The following ERAP1 variants were observed in gnomAD, a reference collection of about 807,000 sequenced individuals.
The protein encoded by ERAP1 is endoplasmic reticulum aminopeptidase 1, also known as adipocyte-derived leucine aminopeptidase.
ERAP1 carries 86 observed loss-of-function variants against 103.7 expected under a neutral mutation model. That is an observed-to-expected ratio of 0.83 (90% CI 0.70 to 0.99). The LOEUF is 0.99. Among genes scored for constraint, ERAP1 ranks in the 50% least tolerant of loss-of-function variants. The pLI is 0.00. For synonymous variants in ERAP1, 398 were observed against 402.4 expected (o/e 0.99, Z 0.13); for missense variants, 1,009 against 1,128.4 (o/e 0.89, Z 1.52).
At chr5:96,833,954 G>A in the ERAP1 span, among the ~76,000 whole-genome samples, 8 of 152,088 alleles carry the variant, frequency 5.3e-5, no homozygotes, top group Non-Finnish European at 8.8e-5. Flanking sequence ...TATTAATGTA[G>A]TAGTAATGAT....
chr5:96,839,290 G>C, the ERAP1 span, among the ~76,000 whole-genome samples: 1 of 152,216 alleles, frequency 6.6e-6, no homozygotes, highest in Non-Finnish European at 1.5e-5. Context: ...ATTGAAGCCA[G>C]TCTCCAGCTC....
chr5:96,807,701 GCCTTCCTCCCGCGCCCCGTCT>G (rs1369392159), intron 1 of ERAP1, among the ~76,000 whole-genome samples, 138 bp downstream of exon 1: 8 of 148,466 alleles, frequency 5.4e-5, no homozygotes, highest in Admixed American at 5.3e-4. Flanking sequence ...GCGCCCCGTC[GCCTTCCTCCCGCGCCCCGTCT>G]CCCTCCTCCC....
chr5:96,929,476 T>TTC, the ERAP1 span, among the ~76,000 whole-genome samples: 2 of 147,854 alleles, frequency 1.4e-5, no homozygotes, highest in African/African-American at 5.0e-5. Context: ...TCCTTTTTTT[T>TTC]CTTCCTTCCT....
chr5:96,930,921 C>T, the ERAP1 span, among the ~76,000 whole-genome samples: 10 of 152,220 alleles, frequency 6.6e-5, no homozygotes, highest in South Asian at 8.3e-4. Flanking sequence ...AAGAACTAGT[C>T]GTGGTTTTTT....
chr5:96,884,078 CT>C, the ERAP1 span: 5 of 570,214 alleles, frequency 8.8e-6, no homozygotes, highest in African/African-American at 8.2e-5. Context: ...ATCTATCTAT[CT>C]ATCATCATAA....
upstream of ERAP1, among the ~76,000 whole-genome samples, chr5:96,811,802 CAT>C (rs1214809087): frequency 2.6e-5 from 4 of 152,346 alleles, no homozygotes; most frequent in Non-Finnish European, 4.4e-5. Flanking sequence ...GGACTGATCA[CAT>C]GTTTCCCATT....
the ERAP1 span, among the ~76,000 whole-genome samples, chr5:96,846,703 C>T: frequency 6.6e-6 from 1 of 152,078 alleles, no homozygotes; most frequent in East Asian, 1.9e-4. Context: ...TTTTATATCT[C>T]TTTCCCAACC....
chr5:96,878,108 T>C, the ERAP1 span, among the ~76,000 whole-genome samples: 1 of 152,188 alleles, frequency 6.6e-6, no homozygotes, highest in Non-Finnish European at 1.5e-5. Context: ...CCTAATTTTA[T>C]ATGTGTTGTA....
chr5:96,885,870 C>G, the ERAP1 span, among the ~76,000 whole-genome samples: 1 of 152,238 alleles, frequency 6.6e-6, no homozygotes, highest in Non-Finnish European at 1.5e-5. Flanking sequence ...ACCCAGTGAT[C>G]TTGATAGATG....
At chr5:96,889,119 T>A in the ERAP1 span, 6 of 1,593,320 alleles carry the variant, frequency 3.8e-6, no homozygotes, top group Non-Finnish European at 5.2e-6. Context: ...TGTGAGAGGG[T>A]TATCAGGAAT....
the ERAP1 span, among the ~76,000 whole-genome samples, chr5:96,841,238 TA>T: frequency 6.6e-6 from 1 of 152,164 alleles, no homozygotes; most frequent in African/African-American, 2.4e-5. Flanking sequence ...CTGCCCAGTT[TA>T]AAAAATTCCC....
At chr5:96,787,458 G>A (rs552306795) in intron 11 of ERAP1, among the ~76,000 whole-genome samples, 486 of 152,124 alleles carry the variant, frequency 3.2e-3, no homozygotes, top group Non-Finnish European at 4.5e-3. Context: ...TAGAGATGGT[G>A]TTTCACCATG....
chr5:96,767,627 A>G, intron 19 of ERAP1: 1 of 670,276 alleles, frequency 1.5e-6, no homozygotes, highest in South Asian at 1.9e-5. Context: ...GTGTGTGACT[A>G]TTGTTTACCT....
At chr5:96,882,699 G>T in the ERAP1 span, among the ~76,000 whole-genome samples, 1 of 152,270 alleles carries the variant, frequency 6.6e-6, no homozygotes, top group South Asian at 2.1e-4. Context: ...CAGCCAGTTA[G>T]AATTCCTTTA....
chr5:96,797,139 C>T (rs759417468), intron 4 of ERAP1, 36 bp downstream of exon 4: 3 of 1,613,556 alleles, frequency 1.9e-6, no homozygotes, highest in Non-Finnish European at 2.5e-6. Flanking sequence ...CAAACCAGAA[C>T]AAGCTGGTCA....
Position 96,776,021 on chromosome 5 carries a change from C to T in ERAP1, c.*375G>A, listed in dbSNP as rs193020890. 14 of 1,136,346 alleles carry T rather than the reference C, an allele frequency of 1.2e-5. No individual in the cohort carries two copies. In the African/African-American group the frequency reaches 1.8e-4, roughly 14 times the overall value. 70.4% of individuals were successfully genotyped at this position (1,136,346 alleles called of 1,614,324 possible). On this transcript the variant is annotated 3_prime_UTR_variant, in exon 19 of 19. Transcript: ENST00000443439. ...ATCCAGGTGTTCATTGTTCAGTAGT[C>T]GACTATTCAGAGTCTTTCGAGGAGA... is the stretch of plus-strand genomic sequence containing the variant.
At chr5:96,870,477 T>TCACCCC in the ERAP1 span, among the ~76,000 whole-genome samples, 3 of 152,282 alleles carry the variant, frequency 2.0e-5, no homozygotes, top group East Asian at 5.8e-4. Flanking sequence ...AATCATAGAA[T>TCACCCC]CACCCCCACT....
the ERAP1 span, among the ~76,000 whole-genome samples, chr5:96,886,498 G>C: frequency 6.6e-6 from 1 of 152,214 alleles, no homozygotes; most frequent in Non-Finnish European, 1.5e-5. Flanking sequence ...GGTAAGAGAG[G>C]CTACAGAATA....
At chr5:96,817,750 C>T in the ERAP1 span, among the ~76,000 whole-genome samples, 1 of 152,232 alleles carries the variant, frequency 6.6e-6, no homozygotes, top group African/African-American at 2.4e-5. Flanking sequence ...CAGAACCATA[C>T]CATGTGTGCC....
Sources: allele counts gnomAD v4.1 joint callset (sites outside exome capture counted in the v4.1 genomes callset), GRCh38; gene constraint gnomAD v4.1.1; transcripts MANE v1.5; gene names NCBI Gene and HGNC (gene_info 2026-07-23, HGNC 2026-07-21).